The following MCTP1 variants were observed in gnomAD, a reference collection of about 807,000 sequenced individuals.
MCTP1 encodes multiple C2 and transmembrane domain containing 1, also known as multiple C2 and transmembrane domain-containing protein 1.
A neutral mutation model predicts 120.6 loss-of-function variants in MCTP1; 69 were observed. That is an observed-to-expected ratio of 0.57 (90% CI 0.47 to 0.70). The LOEUF is 0.70. Ranked by LOEUF, MCTP1 falls within the 30% of genes least tolerant of loss-of-function variation. The pLI is 0.00. For synonymous variants in MCTP1, 529 were observed against 493.1 expected (o/e 1.07, Z -0.96); for missense variants, 1,203 against 1,248.8 (o/e 0.96, Z 0.55).
intron 1 of MCTP1, among the ~76,000 whole-genome samples, chr5:95,242,844 C>T (rs532538878): frequency 2.0e-5 from 3 of 152,248 alleles, no homozygotes; most frequent in East Asian, 1.9e-4. Context: ...TGGATGTACA[C>T]GTCACAATTC....
At chr5:95,197,546 AG>A (rs1432809953) in intron 1 of MCTP1, among the ~76,000 whole-genome samples, 2 of 152,218 alleles carry the variant, frequency 1.3e-5, no homozygotes, top group Non-Finnish European at 2.9e-5. Context: ...GGACTAACAC[AG>A]TAAGATCTCT....
intron 19 of MCTP1, among the ~76,000 whole-genome samples, chr5:94,764,781 T>A (rs1772164998): frequency 7.1e-6 from 1 of 141,746 alleles, no homozygotes; most frequent in African/African-American, 2.7e-5. Flanking sequence ...CAAAAATAAT[T>A]GGGGACTTCA....
intron 19 of MCTP1, among the ~76,000 whole-genome samples, chr5:94,756,768 T>G (rs553874502): frequency 2.4e-4 from 36 of 152,354 alleles, no homozygotes; most frequent in African/African-American, 8.4e-4. Context: ...TGAATTGCTA[T>G]ATTTTATTCA....
intron 1 of MCTP1, among the ~76,000 whole-genome samples, chr5:95,159,394 C>G (rs1745472513): frequency 6.6e-6 from 1 of 152,202 alleles, no homozygotes; most frequent in South Asian, 2.1e-4. Flanking sequence ...ACATTACACA[C>G]TTTCTGATAA....
At chr5:95,143,945 G>A (rs1368887184) in intron 1 of MCTP1, among the ~76,000 whole-genome samples, 3 of 152,144 alleles carry the variant, frequency 2.0e-5, no homozygotes, top group Non-Finnish European at 4.4e-5. Context: ...GGGTCAAATG[G>A]TAGTTCTGTT....
chr5:94,808,802 C>G (rs1782874334), intron 17 of MCTP1, among the ~76,000 whole-genome samples: 1 of 152,088 alleles, frequency 6.6e-6, no homozygotes, highest in African/African-American at 2.4e-5. Context: ...GATTTATTGG[C>G]AAGCTGTGAC....
At chr5:95,133,677 A>C (rs1450207606) in intron 1 of MCTP1, among the ~76,000 whole-genome samples, 1 of 152,202 alleles carries the variant, frequency 6.6e-6, no homozygotes, top group Non-Finnish European at 1.5e-5. Context: ...AATAAAATAA[A>C]ACAATACACT....
intron 1 of MCTP1, among the ~76,000 whole-genome samples, chr5:95,181,572 T>C (rs1748603480): frequency 6.6e-6 from 1 of 152,048 alleles, no homozygotes; most frequent in South Asian, 2.1e-4. Context: ...GATATTCCAT[T>C]ATAAGTACAC....
At chr5:95,200,018 A>C (rs1304689980) in intron 1 of MCTP1, among the ~76,000 whole-genome samples, 1 of 151,324 alleles carries the variant, frequency 6.6e-6, no homozygotes, top group South Asian at 2.1e-4. Context: ...AAAATTATCC[A>C]AGGGTGGTGG....
chr5:94,835,232 T>A (rs1245035457), intron 17 of MCTP1, among the ~76,000 whole-genome samples: 2 of 152,302 alleles, frequency 1.3e-5, no homozygotes, highest in East Asian at 3.9e-4. Flanking sequence ...ATTAACTGAT[T>A]CTCTACTATG....
intron 19 of MCTP1, among the ~76,000 whole-genome samples, chr5:94,751,571 C>T (rs1768325113): frequency 6.6e-6 from 1 of 152,100 alleles, no homozygotes; most frequent in Non-Finnish European, 1.5e-5. Context: ...GTCCTTGCTT[C>T]CTTTTGTTCA....
At chr5:94,882,997 TAGA>T (rs1245284783) in intron 12 of MCTP1, among the ~76,000 whole-genome samples, 1 of 152,210 alleles carries the variant, frequency 6.6e-6, no homozygotes, top group African/African-American at 2.4e-5. Flanking sequence ...TCTTTGGTTT[TAGA>T]AGAACACTTT....
chr5:95,125,758 G>A (rs1562163723), intron 1 of MCTP1, among the ~76,000 whole-genome samples: 1 of 151,962 alleles, frequency 6.6e-6, no homozygotes, highest in Non-Finnish European at 1.5e-5. Flanking sequence ...GCACAATCAG[G>A]GTATAAATGA....
chr5:94,747,711 G>A (rs1051081351), intron 19 of MCTP1, among the ~76,000 whole-genome samples: 8 of 151,918 alleles, frequency 5.3e-5, no homozygotes, highest in African/African-American at 7.3e-5. Context: ...ATCTAGAATC[G>A]AGGTCTTCTG....
intron 1 of MCTP1, among the ~76,000 whole-genome samples, chr5:95,248,505 C>T (rs1757049277): frequency 6.6e-6 from 1 of 152,056 alleles, no homozygotes; most frequent in African/African-American, 2.4e-5. Flanking sequence ...AACCACTGCT[C>T]AATGAAATAA....
intron 11 of MCTP1, among the ~76,000 whole-genome samples, chr5:94,891,310 TG>T (rs1431875258): frequency 3.9e-5 from 6 of 152,188 alleles, no homozygotes; most frequent in Non-Finnish European, 5.9e-5. Flanking sequence ...GGTTTCACTG[TG>T]GGGGCGTTAG....
rs371986252 is a variant in MCTP1 at position 95,201,746 on chromosome 5, C to A, written c.720+82110G>T. ...TCTCAAACTCCTGACCTCAAGGGATCCATCCGCCTCGGCCTCCCAAAGTGC... is the reference window on the plus strand; with the variant it reads ...TCTCAAACTCCTGACCTCAAGGGATACATCCGCCTCGGCCTCCCAAAGTGC... On this transcript the variant is annotated intron_variant, in intron 1 of 22. Coordinates refer to ENST00000515393, the MANE Select transcript of MCTP1 (RefSeq NM_024717.7). Among the ~76,000 whole-genome samples the A allele has an allele frequency of 9.9e-5, 15 of 152,042 alleles. No individual in the cohort carries two copies. The East Asian group carries it at 2.9e-3, about 29-fold the overall frequency.
chr5:94,715,407 G>C (rs1758823147), intron 19 of MCTP1, among the ~76,000 whole-genome samples: 1 of 146,350 alleles, frequency 6.8e-6, no homozygotes, highest in Admixed American at 6.8e-5. Flanking sequence ...ACCAAAACCT[G>C]GAATCCACTA....
intron 1 of MCTP1, among the ~76,000 whole-genome samples, chr5:95,044,936 G>A (rs1335471969): frequency 4.6e-5 from 7 of 152,100 alleles, no homozygotes; most frequent in African/African-American, 1.4e-4. Context: ...CAGCTGAAGT[G>A]ATCGTCAAGC....
Sources: gnomAD v4.1 joint callset for allele counts (sites outside exome capture counted in the v4.1 genomes callset) on GRCh38, gnomAD v4.1.1 for gene constraint, MANE v1.5 for transcripts, NCBI Gene and HGNC (gene_info 2026-07-23, HGNC 2026-07-21) for gene names.